SATL1: variants seen among roughly 807,000 people sequenced by gnomAD.
SATL1 encodes the protein spermidine/spermine N1-acetyl transferase like 1, also known as spermidine/spermine N(1)-acetyltransferase-like protein 1.
In SATL1, 47 loss-of-function variants were observed where a neutral mutation model predicts 51.8. The ratio of observed to expected loss-of-function variants is 0.91; its 90% confidence interval spans 0.72 to 1.16. The LOEUF (loss-of-function observed/expected upper bound fraction) is 1.16. Ranked by LOEUF, SATL1 falls within the 50% of genes most tolerant of loss-of-function variation. The probability of loss-of-function intolerance (pLI) is 0.00; values close to 1 mark genes in which losing one functional copy is unlikely to be tolerated. For synonymous variants in SATL1, 176 were observed against 182.4 expected, an observed-to-expected ratio of 0.97 and a Z score of 0.28; for missense variants, 520 against 526.4, an observed-to-expected ratio of 0.99 and a Z score of 0.12.
chrX:85,106,103 T>C (rs961804012), intron 3 of SATL1, among the ~76,000 whole-genome samples: 3 of 111,924 alleles, frequency 2.7e-5, no homozygotes, highest in African/African-American at 9.7e-5. Flanking sequence ...AACAATAAAT[T>C]TATTAATTGC....
intron 2 of SATL1, among the ~76,000 whole-genome samples, chrX:85,204,599 T>A (rs769160275): frequency 8.9e-6 from 1 of 111,962 alleles, no homozygotes; most frequent in Non-Finnish European, 1.9e-5. Flanking sequence ...AGGCTATTAT[T>A]TGGAGCAAAG....
intron 2 of SATL1, among the ~76,000 whole-genome samples, chrX:85,131,161 G>A (rs1165802952): frequency 1.8e-5 from 2 of 111,658 alleles, no homozygotes; most frequent in Non-Finnish European, 3.8e-5. Flanking sequence ...TGTCTATTCG[G>A]TCTGCTTGGT....
Position 85,102,460 on chromosome X carries a change from A to T in SATL1, c.1693+1404T>A, listed in dbSNP as rs187525930. On this transcript the variant is annotated intron_variant, in intron 4 of 7. Coordinates refer to ENST00000644105, the MANE Select transcript of SATL1 (RefSeq NM_001367857.2). The stretch of plus-strand genomic sequence containing the variant: ...AATAGTTAAAATGATATGTGTATTT[A>T]ATCACATTTTTTAAAAGTTTGTGAC... 1.4e-4 allele frequency among the ~76,000 whole-genome samples: 16 copies of T among 112,074 alleles called. No individual in the cohort carries two copies. The East Asian group carries it at 4.2e-3, about 29-fold the overall frequency.
chrX:85,142,124 C>T (rs140825366), intron 2 of SATL1, among the ~76,000 whole-genome samples: 3,065 of 107,217 alleles, frequency 0.029, 58 homozygotes, highest in Admixed American at 0.084. Flanking sequence ...AGGCCGGTCA[C>T]GGTGGCTCAC....
chrX:85,236,378 C>A (rs1046561627), intron 1 of SATL1, among the ~76,000 whole-genome samples: 10 of 110,844 alleles, frequency 9.0e-5, no homozygotes, highest in Middle Eastern at 4.2e-3. Flanking sequence ...AAAGACATAT[C>A]AAAAAAGTAA....
chrX:85,116,148 T>G (rs1223521432), intron 2 of SATL1: 1 of 111,743 alleles, frequency 8.9e-6, no homozygotes, highest in Non-Finnish European at 1.9e-5. Context: ...CCAAAGTATG[T>G]TAGCAGCAGA....
intron 1 of SATL1, among the ~76,000 whole-genome samples, chrX:85,234,205 T>C (rs941603448): frequency 9.0e-6 from 1 of 111,730 alleles, no homozygotes; most frequent in Non-Finnish European, 1.9e-5. Flanking sequence ...AGTAATATTA[T>C]ACTTTGAACA....
intron 2 of SATL1, among the ~76,000 whole-genome samples, chrX:85,118,016 G>A (rs1357479101): frequency 9.4e-6 from 1 of 106,760 alleles, no homozygotes; most frequent in Non-Finnish European, 1.9e-5. Flanking sequence ...TGAAACGCAA[G>A]ATGGATCTGG....
intron 2 of SATL1, among the ~76,000 whole-genome samples, chrX:85,119,879 A>T (rs1183506737): frequency 1.8e-5 from 2 of 111,829 alleles, no homozygotes; most frequent in African/African-American, 6.5e-5. Context: ...TTATTTTAAT[A>T]ACCAAGAATA....
At chrX:85,121,398 A>G (rs1925503360) in intron 2 of SATL1, among the ~76,000 whole-genome samples, 1 of 104,108 alleles carries the variant, frequency 9.6e-6, no homozygotes, top group East Asian at 2.9e-4. Context: ...CTATATATAA[A>G]TATATATATT....
At chrX:85,177,329 A>AC (rs1304908854) in intron 2 of SATL1, among the ~76,000 whole-genome samples, 2 of 112,175 alleles carry the variant, frequency 1.8e-5, no homozygotes. Flanking sequence ...GAGTCAAAGT[A>AC]ATATGAGAAC....
intron 2 of SATL1, among the ~76,000 whole-genome samples, chrX:85,215,323 T>C (rs1291048181): frequency 1.8e-5 from 2 of 111,517 alleles, no homozygotes; most frequent in African/African-American, 6.5e-5. Flanking sequence ...CTTTTACCCA[T>C]AGTCTTGACT....
chrX:85,224,734 A>G (rs1468681580), intron 1 of SATL1, among the ~76,000 whole-genome samples: 4 of 102,741 alleles, frequency 3.9e-5, no homozygotes, highest in Non-Finnish European at 7.9e-5. Context: ...TGGTCCTTCC[A>G]CTATATTCAG....
intron 2 of SATL1, among the ~76,000 whole-genome samples, chrX:85,133,368 A>G (rs756340928): frequency 1.8e-5 from 2 of 111,827 alleles, no homozygotes; most frequent in African/African-American, 6.5e-5. Context: ...GCAATGGTGG[A>G]CACCCCTCCC....
At position 85,187,923 on chromosome X, in the gene SATL1, T is replaced by C. The variant is rs778666387; in HGVS notation, c.-313+36282A>G. On this transcript the variant is annotated intron_variant, in intron 2 of 7. Coordinates refer to ENST00000644105, the MANE Select transcript of SATL1 (RefSeq NM_001367857.2). ...TTTCATTAATTTCTCTTTAATGTTTTTTTTTTAAGTTCTAAACCTTTTAAA... is the reference window on the plus strand; with the variant it reads ...TTTCATTAATTTCTCTTTAATGTTTCTTTTTTAAGTTCTAAACCTTTTAAA... Among the ~76,000 whole-genome samples, 80 of 111,372 alleles carry C rather than the reference T, an allele frequency of 7.2e-4. 1 individual carries two copies. The highest frequency in any genetic ancestry group is 2.5e-3 in the African/African-American group (77 of 30,736).
chrX:85,109,071 A>C lies in SATL1; in HGVS notation c.-103T>G, dbSNP rs1432723127. ...CTGTCTTGATGGAACAGAATCCCTT[A>C]ACTGTGCTGTGGTGGGAGGTTGTTG... On this transcript the variant is annotated 5_prime_UTR_variant, in exon 3 of 8. Coordinates refer to ENST00000644105, the MANE Select transcript of SATL1 (RefSeq NM_001367857.2). 3.7e-6 allele frequency: 3 copies of C among 804,967 alleles called. No individual in the cohort carries two copies. In the African/African-American group the frequency reaches 6.2e-5, roughly 17 times the overall value. 66.3% of individuals were successfully genotyped at this position (804,967 alleles called of 1,213,427 possible).
chrX:85,232,254 C>T (rs923875450), intron 1 of SATL1, among the ~76,000 whole-genome samples: 7 of 109,924 alleles, frequency 6.4e-5, no homozygotes, highest in African/African-American at 2.3e-4. Context: ...GAATAAACAG[C>T]GCTTGGGTCC....
In SATL1 at chrX:85,125,415, G is replaced by A. The variant is rs1364039285; in HGVS notation, c.-312-16135C>T. On this transcript the variant is annotated intron_variant, in intron 2 of 7. Transcript: ENST00000644105. ...AGTGACAATTACACTGAGTAGTACT[G>A]GGCCAGGCAAAATGTGCAATCAAAA... Among the ~76,000 whole-genome samples the A allele has an allele frequency of 3.6e-5, 4 of 110,755 alleles. No individual in the cohort carries two copies. The East Asian group carries it at 1.1e-3, about 32-fold the overall frequency.
At chrX:85,129,853 T>G (rs1925735634) in intron 2 of SATL1, among the ~76,000 whole-genome samples, 2 of 111,704 alleles carry the variant, frequency 1.8e-5, no homozygotes, top group Non-Finnish European at 3.8e-5. Context: ...GTTTTTAGCA[T>G]GAAGGTCTGT....
Sources: allele counts gnomAD v4.1 joint callset (sites outside exome capture counted in the v4.1 genomes callset), GRCh38; gene constraint gnomAD v4.1.1; transcripts MANE v1.5; gene names NCBI Gene and HGNC (gene_info 2026-07-23, HGNC 2026-07-21).